CHST11: variants seen among roughly 807,000 people sequenced by gnomAD.
CHST11 encodes C4S-1.
A neutral mutation model predicts 30.4 loss-of-function variants in CHST11; 9 were observed. That is an observed-to-expected ratio of 0.30 (90% CI 0.18 to 0.52). The LOEUF (loss-of-function observed/expected upper bound fraction) is 0.52, where lower values mean the gene tolerates loss of function less well. Among genes scored for constraint, CHST11 ranks in the 20% least tolerant of loss-of-function variants. The pLI is 0.97. For missense variants in CHST11, 348 were observed against 460.6 expected (o/e 0.76, Z 2.24); for synonymous variants, 152 against 187.8 (o/e 0.81, Z 1.56).
At chr12:104,689,167 C>A (rs1045122301) in intron 2 of CHST11, among the ~76,000 whole-genome samples, 1 of 152,214 alleles carries the variant, frequency 6.6e-6, no homozygotes, top group Admixed American at 6.5e-5. Context: ...TCCTTCCAAG[C>A]TGCCTGCAAT....
intron 2 of CHST11, among the ~76,000 whole-genome samples, chr12:104,606,613 AG>A (rs2039007582): frequency 6.6e-6 from 1 of 152,162 alleles, no homozygotes; most frequent in Non-Finnish European, 1.5e-5. Context: ...TTGCAGGATG[AG>A]GAGAGGCTGG....
chr12:104,755,237 G>C (rs2040465019), intron 2 of CHST11, among the ~76,000 whole-genome samples: 1 of 152,232 alleles, frequency 6.6e-6, no homozygotes, highest in South Asian at 2.1e-4. Context: ...TGACTTGGCT[G>C]TCCAGGTGAC....
chr12:104,499,971 G>T (rs2037837323), intron 1 of CHST11, among the ~76,000 whole-genome samples: 1 of 152,214 alleles, frequency 6.6e-6, no homozygotes, highest in African/African-American at 2.4e-5. Context: ...CAGCTTTGCA[G>T]TGTTTGATTG....
intron 1 of CHST11, among the ~76,000 whole-genome samples, chr12:104,523,456 G>C (rs1288409644): frequency 5.9e-5 from 9 of 152,144 alleles, no homozygotes; most frequent in Non-Finnish European, 1.3e-4. Context: ...TGTGGCCTCA[G>C]ATGTTTTTGT....
In CHST11 at chr12:104,600,221, G is replaced by A. The variant is rs750943094; in HGVS notation, c.119-1685G>A. On this transcript the variant is annotated intron_variant, in intron 1 of 2. Transcript: ENST00000303694. The surrounding 1 kb of genome is among the most constrained non-coding windows in gnomAD (Gnocchi z 4.1). ...TCACCTGAGCAGTAGTTTTTCCTCC[G>A]GAGACCTTCCAGATGTCATCAGCTG... is the stretch of plus-strand genomic sequence containing the variant. Among the ~76,000 whole-genome samples, 4 of 152,160 alleles carry A rather than the reference G, an allele frequency of 2.6e-5. No homozygotes were observed. The highest frequency in any genetic ancestry group is 5.9e-5 in the Non-Finnish European group (4 of 68,036).
chr12:104,687,799 CCTTT>C (rs1462208563), intron 2 of CHST11, among the ~76,000 whole-genome samples: 1 of 151,634 alleles, frequency 6.6e-6, no homozygotes, highest in Non-Finnish European at 1.5e-5. Context: ...TTTTTTTTTC[CCTTT>C]GCAGCTTTGG....
At chr12:104,652,900 A>G (rs61938622) in intron 2 of CHST11, among the ~76,000 whole-genome samples, 21,555 of 152,134 alleles carry the variant, frequency 0.14, 1,632 homozygotes, top group Middle Eastern at 0.2. Context: ...CGCTCCCTAC[A>G]CACTCCCTAC....
rs1454856709 is a variant in CHST11 at position 104,758,237 on chromosome 12, T to C, written c.*434T>C. On this transcript the variant is annotated 3_prime_UTR_variant, in exon 3 of 3. Transcript: ENST00000303694. ...CATGAATGTTCTCCTTACTAACCTC[T>C]CATGGAGTCATGTGATAACAGCCAT... 1.3e-5 allele frequency: 2 copies of C among 159,906 alleles called. No homozygotes were observed. Among genetic ancestry groups the C allele is most frequent in the Non-Finnish European group, 2.7e-5 (2 of 73,022 alleles). The allele number at this position is 159,906 out of a possible 1,614,324, so 9.9% of individuals were successfully genotyped here. A position where few individuals can be genotyped will look rare whatever the true frequency, so the allele number is the denominator to read the frequency against.
intron 2 of CHST11, among the ~76,000 whole-genome samples, chr12:104,681,361 T>C (rs1158417085): frequency 1.3e-5 from 2 of 152,236 alleles, no homozygotes; most frequent in Admixed American, 1.3e-4. Flanking sequence ...GATATGATTC[T>C]ATTAATGTGA....
At chr12:104,499,141 T>C (rs2037828441) in intron 1 of CHST11, among the ~76,000 whole-genome samples, 1 of 152,242 alleles carries the variant, frequency 6.6e-6, no homozygotes, top group Admixed American at 6.5e-5. Flanking sequence ...TCCCAGAGAA[T>C]AGAGTAACAC....
chr12:104,550,562 A>G (rs1402591698), intron 1 of CHST11, among the ~76,000 whole-genome samples: 1 of 152,190 alleles, frequency 6.6e-6, no homozygotes, highest in Non-Finnish European at 1.5e-5. Context: ...TCACCCAATA[A>G]CACTGTTTAC....
rs539310943 is a variant in CHST11 at position 104,729,675 on chromosome 12, G to C, written c.205-27274G>C. Among the ~76,000 whole-genome samples, 1 of 152,210 alleles carries C rather than the reference G, an allele frequency of 6.6e-6. No homozygotes were observed. Among genetic ancestry groups the C allele is most frequent in the East Asian group, 1.9e-4 (1 of 5,190 alleles). ...TCGCAACTTGAACCTTGCTGGAGAA[G>C]TGAGAAGTGGGTGTGCAGAATCGTA... On this transcript the variant is annotated intron_variant, in intron 2 of 2. Coordinates refer to ENST00000303694, the MANE Select transcript of CHST11 (RefSeq NM_018413.6). This position sits in a 1 kb window ranked among gnomAD's most constrained non-coding sequence, Gnocchi z 4.0.
In CHST11 at chr12:104,457,633, C is replaced by T. The variant is rs2037366148; in HGVS notation, c.118+104C>T. 5 of 852,400 alleles carry T rather than the reference C, an allele frequency of 5.9e-6. No homozygotes were observed. In the East Asian group the frequency reaches 9.7e-5, roughly 17 times the overall value. 52.8% of individuals were successfully genotyped at this position (852,400 alleles called of 1,614,324 possible). A position where few individuals can be genotyped will look rare whatever the true frequency, so the allele number is the denominator to read the frequency against. ...TCTTCCAACCCTACCTCTCCGCCTT[C>T]GGCCTCTTCGGGGCTCCTGGCTGCC... is the stretch of plus-strand genomic sequence containing the variant. On this transcript the variant is annotated intron_variant, in intron 1 of 2. Coordinates refer to ENST00000303694, the MANE Select transcript of CHST11 (RefSeq NM_018413.6).
At chr12:104,651,357 GC>G (rs1445900263) in intron 2 of CHST11, among the ~76,000 whole-genome samples, 1 of 152,218 alleles carries the variant, frequency 6.6e-6, no homozygotes, top group African/African-American at 2.4e-5. Flanking sequence ...CTGCTTGGAT[GC>G]ATATAATGTA....
At chr12:104,564,020 G>A (rs1405972157) in intron 1 of CHST11, among the ~76,000 whole-genome samples, 1 of 152,092 alleles carries the variant, frequency 6.6e-6, no homozygotes, top group African/African-American at 2.4e-5. Context: ...TGAGATCTAC[G>A]TGGAGACACC....
In CHST11 at chr12:104,642,020, A is replaced by T. The variant is rs368057240; in HGVS notation, c.204+40029A>T. ...GTCCTCTAGTGGGTTGAGGCCAGGG[A>T]TGCTGCTGAACGTCCTATGGTGCAC... On this transcript the variant is annotated intron_variant, in intron 2 of 2. Coordinates refer to ENST00000303694, the MANE Select transcript of CHST11 (RefSeq NM_018413.6). Among the ~76,000 whole-genome samples, 570 of 152,242 alleles carry T rather than the reference A, an allele frequency of 3.7e-3. 2 individuals carry two copies. Among genetic ancestry groups the T allele is most frequent in the Non-Finnish European group, 4.5e-3 (306 of 68,014 alleles).
chr12:104,695,840 C>T (rs530004306), intron 2 of CHST11, among the ~76,000 whole-genome samples: 14 of 152,264 alleles, frequency 9.2e-5, no homozygotes, highest in African/African-American at 2.4e-4. Flanking sequence ...GACGCTTCAC[C>T]GTGAAGTCAC....
At chr12:104,684,290 GGATGGATGGATGGATA>G (rs940161793) in intron 2 of CHST11, among the ~76,000 whole-genome samples, 2 of 151,928 alleles carry the variant, frequency 1.3e-5, no homozygotes, top group African/African-American at 4.8e-5. Context: ...ATGGATGGAT[GGATGGATGGATGGATA>G]GATGGGTGAG....
intron 2 of CHST11, among the ~76,000 whole-genome samples, chr12:104,630,830 A>G (rs1236495339): frequency 6.6e-6 from 1 of 152,238 alleles, no homozygotes; most frequent in African/African-American, 2.4e-5. Context: ...ATATGAAGAA[A>G]TGAGCATAAT....
Sources: allele counts gnomAD v4.1 joint callset (sites outside exome capture counted in the v4.1 genomes callset), GRCh38; gene constraint gnomAD v4.1.1; non-coding constraint Gnocchi (gnomAD v3.1); transcripts MANE v1.5; gene names NCBI Gene and HGNC (gene_info 2026-07-23, HGNC 2026-07-21).